Variants in RPS6KA6 observed in about 807,000 individuals in gnomAD.
RPS6KA6 encodes the protein ribosomal protein S6 kinase alpha-6.
In RPS6KA6, 27 loss-of-function variants were observed where a neutral mutation model predicts 65.4. That is an observed-to-expected ratio of 0.41 (90% CI 0.30 to 0.57). RPS6KA6 has a LOEUF of 0.57. RPS6KA6 is among the 20% of genes least tolerant of loss of function. RPS6KA6 has a pLI of 0.24. For synonymous variants in RPS6KA6, 190 were observed against 184.2 expected, an observed-to-expected ratio of 1.03 and a Z score of -0.26; for missense variants, 486 against 555.6, an observed-to-expected ratio of 0.87 and a Z score of 1.26.
intron 19 of RPS6KA6, among the ~76,000 whole-genome samples, chrX:84,097,156 C>T (rs1300337603): frequency 9.0e-6 from 1 of 111,297 alleles, no homozygotes; most frequent in Non-Finnish European, 1.9e-5. Flanking sequence ...TATCACAACC[C>T]TCTTGGAATA....
In RPS6KA6 at chrX:84,064,382, G is replaced by C; in HGVS notation, c.2133C>G (p.Tyr711Ter). The C allele has an allele frequency of 1.7e-6, 2 of 1,201,551 alleles. No individual in the cohort carries two copies. The highest frequency in any genetic ancestry group is 2.2e-6 in the Non-Finnish European group (2 of 891,313). ...HVVKGAMVATYSALTHKTFQP... is the reference protein window; with the variant it reads ...HVVKGAMVAT ...GAAAGGTCTTGTGAGTCAGGGCAGA[G>C]TATGTTGCAACCATTGCTCCCTAAA... The change falls in exon 22 of 22, where the codon TAC (tyrosine) becomes TAG (stop). Residue 711 changes from tyrosine to a stop codon, truncating the protein, a stop_gained. Coordinates refer to ENST00000262752, the MANE Select transcript of RPS6KA6 (RefSeq NM_014496.5). LOFTEE classifies it high-confidence loss of function.
chrX:84,150,701 C>G (rs1313301573), intron 3 of RPS6KA6, among the ~76,000 whole-genome samples: 1 of 107,841 alleles, frequency 9.3e-6, no homozygotes, highest in Non-Finnish European at 1.9e-5. Context: ...TCAAAGATCA[C>G]AGACCACAAA....
rs772828415 is a variant in RPS6KA6, at chrX:84,061,527, AC to A, written c.*2749del. 1.4e-4 allele frequency: 9 copies of A among 64,904 alleles called. No individual in the cohort carries two copies. The highest frequency in any genetic ancestry group is 3.5e-4 in the Non-Finnish European group (8 of 22,962). The allele number at this position is 64,904 out of a possible 1,213,427, so 5.3% of individuals were successfully genotyped here. On this transcript the variant is annotated 3_prime_UTR_variant, in exon 22 of 22. Coordinates refer to ENST00000262752, the MANE Select transcript of RPS6KA6 (RefSeq NM_014496.5). ...GGACTTGAAACCATTGTTTTTTCCCACAAAAATCCCCATCACCAGCACTGCA... is the reference window on the plus strand; with the variant it reads ...GGACTTGAAACCATTGTTTTTTCCCAAAAAATCCCCATCACCAGCACTGCA...
Position 84,073,005 on chromosome X carries a change from G to A in RPS6KA6, c.1972-7894C>T, listed in dbSNP as rs758245148. On this transcript the variant is annotated intron_variant, in intron 20 of 21. Coordinates refer to ENST00000262752, the MANE Select transcript of RPS6KA6 (RefSeq NM_014496.5). ...TGCAATCTCTATCAAGGTATCAATG[G>A]CATTCTTCACAGACATAGAAAAAAT... Among the ~76,000 whole-genome samples the A allele has an allele frequency of 5.4e-5, 6 of 111,405 alleles. No individual in the cohort carries two copies. The South Asian group carries it at 1.9e-3, about 35-fold the overall frequency.
At chrX:84,083,110 A>G (rs1166327864) in intron 20 of RPS6KA6, among the ~76,000 whole-genome samples, 2 of 112,718 alleles carry the variant, frequency 1.8e-5, no homozygotes. Context: ...ATCTAATTAA[A>G]CTAAAGAGCT....
intron 20 of RPS6KA6, among the ~76,000 whole-genome samples, chrX:84,078,101 C>T (rs1221410150): frequency 9.0e-6 from 1 of 111,702 alleles, no homozygotes; most frequent in East Asian, 2.8e-4. Context: ...AAAATAATTG[C>T]AAAGCATAGA....
rs2034183403 is a variant in RPS6KA6, at chrX:84,097,691, T to C, written c.1853+81A>G. On this transcript the variant is annotated intron_variant, in intron 19 of 21. Coordinates refer to ENST00000262752, the MANE Select transcript of RPS6KA6 (RefSeq NM_014496.5). ...AATGTCATTTTCCTTAAAGTTATTT[T>C]AATCTATTCTCTTTCTAGATGAAGA... The C allele has an allele frequency of 4.8e-5, 27 of 562,950 alleles. No individual in the cohort carries two copies. In the South Asian group the frequency reaches 9.6e-4, roughly 20 times the overall value. The allele number at this position is 562,950 out of a possible 1,213,427, so 46.4% of individuals were successfully genotyped here.
chrX:84,136,187 A>C (rs1389855931), intron 6 of RPS6KA6, among the ~76,000 whole-genome samples: 1 of 111,863 alleles, frequency 8.9e-6, no homozygotes, highest in Non-Finnish European at 1.9e-5. Context: ...TTTAAGGTTT[A>C]GCAAGAACTC....
At chrX:84,149,648 A>G (rs1244881187) in intron 3 of RPS6KA6, among the ~76,000 whole-genome samples, 1 of 111,078 alleles carries the variant, frequency 9.0e-6, no homozygotes, top group Non-Finnish European at 1.9e-5. Flanking sequence ...TTCCCTGAAC[A>G]GTAGGTCTCA....
intron 3 of RPS6KA6, among the ~76,000 whole-genome samples, chrX:84,149,471 A>AATG (rs1330281407): frequency 2.7e-5 from 3 of 112,322 alleles, no homozygotes; most frequent in African/African-American, 9.7e-5. Flanking sequence ...TTCTTAAATA[A>AATG]TAGGGCTTGA....
intron 12 of RPS6KA6, among the ~76,000 whole-genome samples, chrX:84,110,384 C>T (rs1409989659): frequency 8.9e-6 from 1 of 112,229 alleles, no homozygotes; most frequent in African/African-American, 3.2e-5. Context: ...CAAGCTCTGC[C>T]TAGCTCCCTT....
At chrX:84,105,965 A>G in intron 15 of RPS6KA6, 89 bp from the exon 16 acceptor site, 3 of 479,245 alleles carry the variant, frequency 6.3e-6, no homozygotes, top group Non-Finnish European at 1.1e-5. Flanking sequence ...ATTTTTGAAG[A>G]AATGCTTAAA....
intron 9 of RPS6KA6, among the ~76,000 whole-genome samples, chrX:84,118,725 C>G (rs970031390): frequency 1.8e-5 from 2 of 111,787 alleles, no homozygotes; most frequent in African/African-American, 6.5e-5. Flanking sequence ...AGGTTAACAA[C>G]TGCTTACTTT....
chrX:84,104,170 C>T (rs1468831196), intron 17 of RPS6KA6, among the ~76,000 whole-genome samples: 1 of 110,969 alleles, frequency 9.0e-6, no homozygotes, highest in Non-Finnish European at 1.9e-5. Flanking sequence ...TGTTAGGTAA[C>T]TTGAATAATA....
intron 17 of RPS6KA6, among the ~76,000 whole-genome samples, chrX:84,104,212 GTTTGACT>G (rs1371779788): frequency 1.8e-5 from 2 of 111,045 alleles, no homozygotes; most frequent in African/African-American, 3.3e-5. Flanking sequence ...ATTCTTTTAT[GTTTGACT>G]TTTAAGTCTA....
chrX:84,102,270 T>G, intron 17 of RPS6KA6, 72 bp from the exon 18 acceptor site: 14 of 525,057 alleles, frequency 2.7e-5, no homozygotes, highest in Non-Finnish European at 3.8e-5. Context: ...ACATTATATC[T>G]ATATAATTAA....
chrX:84,147,053 C>T lies in RPS6KA6; in HGVS notation c.346G>A (p.Asp116Asn), dbSNP rs1324862701. Residue 116 changes from aspartate (D) to asparagine (N), a missense_variant, in exon 5 of 22, where the codon GAC becomes AAC. Asp to Asn is a conservative substitution (Grantham distance 23). Transcript: ENST00000262752. Reference protein sequence around the residue: ...VLKKASLKVRDRVRTKMERDI... With the variant: ...VLKKASLKVRNRVRTKMERDI... ...CTCTCCATCTTTGTCCGAACTCTGT[C>T]TCGAACTAAAAATTACATAAAGGTA... The T allele has an allele frequency of 8.8e-7, 1 of 1,140,398 alleles. No individual in the cohort carries two copies. The highest frequency in any genetic ancestry group is 1.8e-5 in the African/African-American group (1 of 55,696). 94.0% of individuals were successfully genotyped at this position (1,140,398 alleles called of 1,213,427 possible). A position where few individuals can be genotyped will look rare whatever the true frequency, so the allele number is the denominator to read the frequency against.
chrX:84,164,379 A>T lies in RPS6KA6; in HGVS notation c.90T>A (p.Gly30=). ...GGGASSGEVN[G]LKMVDEPMEE... is the part of the protein sequence containing the mutation. ...CCATTGGCTCATCAACCATTTTAAG[A>T]CCATTTACCTGAAAAACATTGTTCA... Residue 30 remains glycine (G), a synonymous_variant, in exon 2 of 22, where the codon GGT becomes GGA. Transcript: ENST00000262752. 8 of 1,188,585 alleles carry T rather than the reference A, an allele frequency of 6.7e-6. No homozygotes were observed. The highest frequency in any genetic ancestry group is 5.2e-5 in the African/African-American group (3 of 57,226).
rs191243574 is a variant in RPS6KA6 at position 84,185,614 on chromosome X, T to C, written c.81+2205A>G. On this transcript the variant is annotated intron_variant, in intron 1 of 21. Coordinates refer to ENST00000262752, the MANE Select transcript of RPS6KA6 (RefSeq NM_014496.5). ...ACTCCAAAATATATGGTAGTGTCTA[T>C]AATCTTTAATCTTACCAGATTCAAC... 4.6e-4 allele frequency among the ~76,000 whole-genome samples: 52 copies of C among 112,158 alleles called. 1 individual carries two copies. Among genetic ancestry groups the C allele is most frequent in the Admixed American group, 3.4e-3 (36 of 10,583 alleles).
Sources: gnomAD v4.1 joint callset for allele counts (sites outside exome capture counted in the v4.1 genomes callset) on GRCh38, gnomAD v4.1.1 for gene constraint, MANE v1.5 for transcripts, NCBI Gene and HGNC (gene_info 2026-07-23, HGNC 2026-07-21) for gene names.